ADCY2: variants seen among roughly 807,000 people sequenced by gnomAD.
ADCY2 encodes adenylate cyclase 2.
Under a neutral mutation model 125.2 loss-of-function variants are expected in ADCY2, and 31 were observed. The ratio of observed to expected loss-of-function variants is 0.25; its 90% CI spans 0.19 to 0.33. ADCY2 has a LOEUF of 0.33. Ranked by LOEUF, ADCY2 falls within the 10% of genes least tolerant of loss-of-function variation. The pLI, the probability that ADCY2 is intolerant of heterozygous loss-of-function variation, is 1.00. For missense variants in ADCY2, 904 were observed against 1,418.2 expected, an observed-to-expected ratio of 0.64 and a Z score of 5.82; for synonymous variants, 512 against 548.4, an observed-to-expected ratio of 0.93 and a Z score of 0.93.
chr5:7,473,479 A>C (rs961680991), intron 2 of ADCY2, among the ~76,000 whole-genome samples: 1 of 151,790 alleles, frequency 6.6e-6, no homozygotes, highest in Non-Finnish European at 1.5e-5. Context: ...TGAGGAACCC[A>C]CCCCCATGAC....
At chr5:7,431,015 T>C (rs1030083866) in intron 2 of ADCY2, among the ~76,000 whole-genome samples, 8 of 152,160 alleles carry the variant, frequency 5.3e-5, no homozygotes, top group Non-Finnish European at 1.0e-4. Context: ...ACAATCCTAA[T>C]TGAAGTCCCA....
chr5:7,800,331 G>A (rs939869126), intron 20 of ADCY2: 1 of 152,202 alleles, frequency 6.6e-6, no homozygotes, highest in African/African-American at 2.4e-5. Context: ...GAGCACTCTG[G>A]ACAGTGTCAG....
intron 3 of ADCY2, among the ~76,000 whole-genome samples, chr5:7,600,420 G>A (rs565040944): frequency 6.6e-6 from 1 of 152,338 alleles, no homozygotes; most frequent in East Asian, 1.9e-4. Context: ...AAACCTTGAG[G>A]AACTAAAGGA....
chr5:7,720,707 C>G (rs1443648078), intron 12 of ADCY2, among the ~76,000 whole-genome samples: 1 of 152,132 alleles, frequency 6.6e-6, no homozygotes, highest in Non-Finnish European at 1.5e-5. Flanking sequence ...TCATCCATGT[C>G]CCTACAAAGG....
rs190666085 is a variant in ADCY2, at chr5:7,444,350, G to C, written c.408+29580G>C. On this transcript the variant is annotated intron_variant, in intron 2 of 24. Coordinates refer to ENST00000338316, the MANE Select transcript of ADCY2 (RefSeq NM_020546.3). ...CAGGATGGTCTCAATCTCCTGACCTGGTGATCCTCCCGCCTCGGCCTCCCA... is the reference window on the plus strand; with the variant it reads ...CAGGATGGTCTCAATCTCCTGACCTCGTGATCCTCCCGCCTCGGCCTCCCA... Among the ~76,000 whole-genome samples the C allele has an allele frequency of 3.1e-3, 478 of 151,872 alleles. 1 individual carries two copies. Among genetic ancestry groups the C allele is most frequent in the African/African-American group, 0.011 (454 of 41,452 alleles).
chr5:7,644,691 C>T (rs10053835), intron 4 of ADCY2, among the ~76,000 whole-genome samples: 6,861 of 152,190 alleles, frequency 0.045, 500 homozygotes, highest in African/African-American at 0.15. Context: ...CTTTTTCTCT[C>T]CCACCCAAAC....
At chr5:7,402,985 C>G (rs536656164) in intron 1 of ADCY2, among the ~76,000 whole-genome samples, 1 of 152,114 alleles carries the variant, frequency 6.6e-6, no homozygotes, top group Non-Finnish European at 1.5e-5. Flanking sequence ...ATTATGATTT[C>G]TACCCATTTA....
chr5:7,722,506 T>A (rs1166783145), intron 12 of ADCY2, among the ~76,000 whole-genome samples: 1 of 152,196 alleles, frequency 6.6e-6, no homozygotes, highest in Non-Finnish European at 1.5e-5. Context: ...TTAAGTTGTA[T>A]TTTCTGCTCA....
At chr5:7,607,582 C>T (rs1222375005) in intron 3 of ADCY2, among the ~76,000 whole-genome samples, 2 of 152,214 alleles carry the variant, frequency 1.3e-5, no homozygotes, top group Admixed American at 6.5e-5. Context: ...AGCTTTATTT[C>T]GCCTTTCCAA....
At chr5:7,547,455 C>A (rs1296528880) in intron 3 of ADCY2, among the ~76,000 whole-genome samples, 1 of 152,190 alleles carries the variant, frequency 6.6e-6, no homozygotes, top group African/African-American at 2.4e-5. Context: ...GTCTCGCATC[C>A]TGTCTTTCTT....
chr5:7,686,675 A>G (rs6886896), intron 4 of ADCY2, among the ~76,000 whole-genome samples: 4,089 of 152,356 alleles, frequency 0.027, 196 homozygotes, highest in African/African-American at 0.093. Flanking sequence ...TACCCAGTAT[A>G]TTAAGCACTT....
intron 2 of ADCY2, among the ~76,000 whole-genome samples, chr5:7,473,387 G>T (rs998508471): frequency 1.3e-5 from 2 of 152,124 alleles, no homozygotes; most frequent in East Asian, 3.9e-4. Flanking sequence ...GAGGTGCCAG[G>T]CTCTTTTGAA....
chr5:7,602,862 T>G (rs1055672447), intron 3 of ADCY2, among the ~76,000 whole-genome samples: 4 of 152,134 alleles, frequency 2.6e-5, no homozygotes, highest in African/African-American at 9.7e-5. Context: ...TATATTTGGC[T>G]CCAATAAACA....
At chr5:7,752,392 A>G (rs1173093684) in intron 15 of ADCY2, among the ~76,000 whole-genome samples, 3 of 152,190 alleles carry the variant, frequency 2.0e-5, no homozygotes, top group Non-Finnish European at 2.9e-5. Flanking sequence ...TATATTTTCC[A>G]AGCAAGATTT....
At chr5:7,631,345 G>T (rs553736252) in intron 4 of ADCY2, among the ~76,000 whole-genome samples, 1 of 152,124 alleles carries the variant, frequency 6.6e-6, no homozygotes, top group African/African-American at 2.4e-5. Context: ...ACCACTCTCC[G>T]TCTTCTTTAT....
At chr5:7,414,342 T>C (rs190346692) in intron 1 of ADCY2, among the ~76,000 whole-genome samples, 3 of 152,338 alleles carry the variant, frequency 2.0e-5, no homozygotes, top group Admixed American at 2.0e-4. Context: ...TGATGAGATA[T>C]TGTTTGTCCT....
intron 14 of ADCY2, among the ~76,000 whole-genome samples, chr5:7,728,777 T>C (rs1047296006): frequency 1.5e-4 from 23 of 152,300 alleles, no homozygotes; most frequent in African/African-American, 5.1e-4. Context: ...TTCTATATTC[T>C]CTACATTATA....
chr5:7,587,087 T>C (rs1736654029), intron 3 of ADCY2, among the ~76,000 whole-genome samples: 1 of 151,994 alleles, frequency 6.6e-6, no homozygotes, highest in African/African-American at 2.4e-5. Flanking sequence ...TGTCTAGAGT[T>C]ATAGACCCAG....
intron 3 of ADCY2, among the ~76,000 whole-genome samples, chr5:7,620,099 T>C (rs928613668): frequency 5.9e-5 from 9 of 152,216 alleles, no homozygotes; most frequent in Middle Eastern, 3.2e-3. Context: ...TGCCACACTC[T>C]AGTTATTAGC....
Sources: allele counts gnomAD v4.1 joint callset (sites outside exome capture counted in the v4.1 genomes callset), GRCh38; gene constraint gnomAD v4.1.1; transcripts MANE v1.5; gene names NCBI Gene and HGNC (gene_info 2026-07-23, HGNC 2026-07-21).